FBRSL1: variants seen among roughly 807,000 people sequenced by gnomAD.
The protein encoded by FBRSL1 is fibrosin like 1, also known as fibrosin-1-like protein.
In FBRSL1, 51 loss-of-function variants were observed where a neutral mutation model predicts 89.6. The observed-to-expected ratio is 0.57, with a 90% CI of 0.45 to 0.72. The LOEUF is 0.72. FBRSL1 is among the 30% of genes least tolerant of loss of function. The pLI is 0.00. For missense variants in FBRSL1, 1,618 were observed against 1,451.8 expected (o/e 1.11, Z -1.86); for synonymous variants, 779 against 681.1 (o/e 1.14, Z -2.24).
rs1264179086 is a variant in FBRSL1 at position 132,584,629 on chromosome 12, G to A, written c.*851G>A. 1.4e-4 allele frequency: 4 copies of A among 28,876 alleles called. No individual in the cohort carries two copies. Among genetic ancestry groups the A allele is most frequent in the East Asian group, 0.017 (2 of 116 alleles). The allele number at this position is 28,876 out of a possible 1,614,324, so 1.8% of individuals were successfully genotyped here. A position where few individuals can be genotyped will look rare whatever the true frequency, so the allele number is the denominator to read the frequency against. On this transcript the variant is annotated 3_prime_UTR_variant, in exon 19 of 19. Coordinates refer to ENST00000680143, the MANE Select transcript of FBRSL1 (RefSeq NM_001367871.1). ...TCCCAGCCCCTGGGTCCGTGGAGGG[G>A]TTGGGTCCCCCAGCAGAGCCCCTGG...
Position 132,583,477 on chromosome 12 carries a change from A to AGC in FBRSL1, c.2716_2717dup (p.Ala907GlyfsTer55). The AGC allele has an allele frequency of 9.5e-7, 1 of 1,053,368 alleles. No homozygotes were observed. The highest frequency in any genetic ancestry group is 1.1e-6 in the Non-Finnish European group (1 of 873,228). 65.3% of individuals were successfully genotyped at this position (1,053,368 alleles called of 1,614,324 possible). A position where few individuals can be genotyped will look rare whatever the true frequency, so the allele number is the denominator to read the frequency against. On this transcript the variant is annotated frameshift_variant, in exon 19 of 19. Transcript: ENST00000680143. LOFTEE classifies it high-confidence loss of function. Reference sequence around the variant, plus strand: ...CCCGAGCGCCTGCGCGGGGAGCTGGAGCGCGCGCGGGCCCCGCACCTGCCG... The same window carrying AGC: ...CCCGAGCGCCTGCGCGGGGAGCTGGAGCGCGCGCGCGGGCCCCGCACCTGCCG...
At chr12:132,514,408 C>A (rs2034644144) in intron 2 of FBRSL1, among the ~76,000 whole-genome samples, 1 of 152,198 alleles carries the variant, frequency 6.6e-6, no homozygotes, top group Non-Finnish European at 1.5e-5. Context: ...GGCCCAGGAC[C>A]GCAGTACCAG....
chr12:132,509,709 C>T (rs1208882249), intron 2 of FBRSL1: 4 of 1,231,254 alleles, frequency 3.2e-6, no homozygotes, highest in East Asian at 3.2e-5. Flanking sequence ...GACCCTGTGG[C>T]ACCGCTGCCG....
chr12:132,561,096 G>T (rs975776678), intron 5 of FBRSL1, among the ~76,000 whole-genome samples: 6 of 152,214 alleles, frequency 3.9e-5, no homozygotes, highest in Non-Finnish European at 8.8e-5. Flanking sequence ...CAGCCCTCCC[G>T]GATGGGCGTG....
At chr12:132,543,749 G>C (rs2037454882) in intron 4 of FBRSL1, among the ~76,000 whole-genome samples, 1 of 152,234 alleles carries the variant, frequency 6.6e-6, no homozygotes. Flanking sequence ...AGCCACATCT[G>C]TGAAAACAGT....
chr12:132,558,694 G>A (rs1208781564), intron 5 of FBRSL1, among the ~76,000 whole-genome samples: 1 of 152,246 alleles, frequency 6.6e-6, no homozygotes, highest in Non-Finnish European at 1.5e-5. Flanking sequence ...GGTCCAGCTT[G>A]CAGAGGGCTC....
In FBRSL1 at chr12:132,582,197, A is replaced by G. The variant is rs1333826555; in HGVS notation, c.2132A>G (p.Asp711Gly). 3.2e-6 allele frequency: 5 copies of G among 1,549,966 alleles called. No homozygotes were observed. The highest frequency in any genetic ancestry group is 3.9e-5 in the Admixed American group (2 of 50,976). ...CCGCCCCCGTGGCCCAAGTCCGTGG[A>G]CGCGGAGCGGGTGTCAGCCCTGACC... ...PAPPPWPKSV[D>G]AERVSALTNH... Residue 711 changes from aspartate to glycine, a missense_variant, in exon 18 of 19, where the codon GAC (aspartate) becomes GGC (glycine). Asp to Gly is a moderately conservative substitution (Grantham distance 94). Transcript: ENST00000680143.
chr12:132,531,494 CTGTGCGTTG>C (rs2036274915), intron 4 of FBRSL1, among the ~76,000 whole-genome samples: 2 of 151,988 alleles, frequency 1.3e-5, no homozygotes, highest in South Asian at 4.1e-4. Flanking sequence ...CTGCATGGGG[CTGTGCGTTG>C]CCTTGTAGAA....
Position 132,583,924 on chromosome 12 carries a change from G to A in FBRSL1, c.*146G>A, listed in dbSNP as rs1397309796. 6.0e-6 allele frequency: 2 copies of A among 330,796 alleles called. No homozygotes were observed. The highest frequency in any genetic ancestry group is 2.2e-5 in the African/African-American group (1 of 45,396). 20.5% of individuals were successfully genotyped at this position (330,796 alleles called of 1,614,324 possible). A position where few individuals can be genotyped will look rare whatever the true frequency, so the allele number is the denominator to read the frequency against. ...CTGCGGAGGCGGGGACTTGGGTGTCGGCTTTTCTGAGGGTGATCTTTTGTT... is the reference window on the plus strand; with the variant it reads ...CTGCGGAGGCGGGGACTTGGGTGTCAGCTTTTCTGAGGGTGATCTTTTGTT... On this transcript the variant is annotated 3_prime_UTR_variant, in exon 19 of 19. Transcript: ENST00000680143.
intron 4 of FBRSL1, among the ~76,000 whole-genome samples, chr12:132,534,091 A>G (rs985983516): frequency 6.6e-6 from 1 of 152,148 alleles, no homozygotes; most frequent in Admixed American, 6.5e-5. Context: ...TGACCCACCC[A>G]GTGCTGAGAG....
chr12:132,492,952 G>A (rs2031331237), intron 1 of FBRSL1, among the ~76,000 whole-genome samples: 1 of 152,222 alleles, frequency 6.6e-6, no homozygotes. Flanking sequence ...TATATCAATA[G>A]TAGTGACTGG....
intron 2 of FBRSL1, chr12:132,510,152 G>A: frequency 4.1e-6 from 5 of 1,225,546 alleles, no homozygotes; most frequent in Non-Finnish European, 5.1e-6. Context: ...GCCCAGAGCA[G>A]CCCTGCCAGC....
At chr12:132,506,838 T>C (rs1320162004) in intron 1 of FBRSL1, among the ~76,000 whole-genome samples, 2 of 152,168 alleles carry the variant, frequency 1.3e-5, no homozygotes, top group Admixed American at 1.3e-4. Context: ...AGAGAGCATA[T>C]GGCGGGAGCT....
intron 2 of FBRSL1, among the ~76,000 whole-genome samples, chr12:132,513,905 C>T (rs902906204): frequency 6.6e-6 from 1 of 152,136 alleles, no homozygotes. Context: ...GGTGGGCTCC[C>T]GGCACCTGGC....
intron 4 of FBRSL1, among the ~76,000 whole-genome samples, chr12:132,535,879 T>TGC: frequency 6.8e-6 from 1 of 147,260 alleles, no homozygotes; most frequent in African/African-American, 2.6e-5. Flanking sequence ...ATGGTGTGAG[T>TGC]GCACGTGTCC....
Position 132,490,740 on chromosome 12 carries a change from C to G in FBRSL1, c.170C>G (p.Ala57Gly), listed in dbSNP as rs748463485. ...CTCCGCGGCGCGCCCCCCCGAGGCG[C>G]CGCCCCCGCGCCCCGCACCGCGCGT... The part of the protein sequence containing the change: ...AGLRGAPPRG[A>G]APAPRTARPP... Residue 57 changes from alanine (A) to glycine (G), a missense_variant, in exon 1 of 19, where the codon GCC (alanine) becomes GGC (glycine). By Grantham distance (60) the Ala-to-Gly change is moderately conservative. Transcript: ENST00000680143. 2.0e-6 allele frequency: 2 copies of G among 1,009,108 alleles called. No homozygotes were observed. Among genetic ancestry groups the G allele is most frequent in the Non-Finnish European group, 2.4e-6 (2 of 848,522 alleles). The allele number at this position is 1,009,108 out of a possible 1,614,324, so 62.5% of individuals were successfully genotyped here. A position where few individuals can be genotyped will look rare whatever the true frequency, so the allele number is the denominator to read the frequency against.
intron 2 of FBRSL1, chr12:132,510,472 G>A: frequency 8.1e-7 from 1 of 1,232,070 alleles, no homozygotes; most frequent in Non-Finnish European, 1.0e-6. Flanking sequence ...CCCCATATGG[G>A]TTTTCCAGCC....
intron 4 of FBRSL1, among the ~76,000 whole-genome samples, chr12:132,545,303 G>A (rs1478654204): frequency 6.6e-6 from 1 of 152,326 alleles, no homozygotes; most frequent in African/African-American, 2.4e-5. Flanking sequence ...CGCCTCACTC[G>A]GGCAGCTTCC....
At position 132,534,993 on chromosome 12, in the gene FBRSL1, C is replaced by T. The variant is rs576361937; in HGVS notation, c.615+7005C>T. On this transcript the variant is annotated intron_variant, in intron 4 of 18. Transcript: ENST00000680143. ...GACAGCCCCACAGGGCAGGGAGATGCCTGACCAAGGAGGGTGGCACAGGCA... is the reference window on the plus strand; with the variant it reads ...GACAGCCCCACAGGGCAGGGAGATGTCTGACCAAGGAGGGTGGCACAGGCA... Among the ~76,000 whole-genome samples the T allele has an allele frequency of 3.3e-5, 5 of 152,332 alleles. No individual in the cohort carries two copies. In the East Asian group the frequency reaches 9.6e-4, roughly 29 times the overall value.
Sources: allele counts gnomAD v4.1 joint callset (sites outside exome capture counted in the v4.1 genomes callset), GRCh38; gene constraint gnomAD v4.1.1; transcripts MANE v1.5; gene names NCBI Gene and HGNC (gene_info 2026-07-23, HGNC 2026-07-21).